Variants in MYOCOS observed in about 807,000 individuals in gnomAD.
The protein encoded by MYOCOS is myocilin opposite strand, also known as myocilin opposite strand protein.
At chr1:171,607,745 C>T (rs1180416075) in intron 1 of MYOCOS, among the ~76,000 whole-genome samples, 1 of 152,170 alleles carries the variant, frequency 6.6e-6, no homozygotes, top group East Asian at 1.9e-4. Flanking sequence ...TCCTCAACTC[C>T]AAATTGTAAT....
At chr1:171,603,692 CTA>C (rs749286234) in intron 1 of MYOCOS, among the ~76,000 whole-genome samples, 10 of 152,260 alleles carry the variant, frequency 6.6e-5, no homozygotes, top group South Asian at 2.1e-4. Flanking sequence ...TCTTTACACT[CTA>C]TGTGTCAAAA....
chr1:171,603,143 G>C (rs971411688), intron 1 of MYOCOS, among the ~76,000 whole-genome samples: 1 of 152,210 alleles, frequency 6.6e-6, no homozygotes, highest in Non-Finnish European at 1.5e-5. Flanking sequence ...AGGCCATCCA[G>C]CTTCCGTCTC....
chr1:171,615,986 G>C (rs1652441042), intron 2 of MYOCOS, among the ~76,000 whole-genome samples: 1 of 152,180 alleles, frequency 6.6e-6, no homozygotes. Flanking sequence ...GGGAGGCCGA[G>C]GCAGGTGGAT....
chr1:171,610,394 A>G (rs913479702), intron 1 of MYOCOS, among the ~76,000 whole-genome samples: 3 of 152,220 alleles, frequency 2.0e-5, no homozygotes, highest in Admixed American at 2.0e-4. Flanking sequence ...CATGCTTAGT[A>G]TCTGTCTTAG....
At chr1:171,606,955 G>T (rs1652255621) in intron 1 of MYOCOS, among the ~76,000 whole-genome samples, 1 of 152,006 alleles carries the variant, frequency 6.6e-6, no homozygotes, top group Non-Finnish European at 1.5e-5. Flanking sequence ...TAAGCTGGGT[G>T]TGGTGGCAGG....
rs1401330699 is a variant in MYOCOS at position 171,626,512 on chromosome 1, T to G, written c.154T>G (p.Leu52Val). 1 of 398,556 alleles carries G rather than the reference T, an allele frequency of 2.5e-6. No homozygotes were observed. Among genetic ancestry groups the G allele is most frequent in the African/African-American group, 2.1e-5 (1 of 48,632 alleles). 24.7% of individuals were successfully genotyped at this position (398,556 alleles called of 1,614,324 possible). A position where few individuals can be genotyped will look rare whatever the true frequency, so the allele number is the denominator to read the frequency against. ...EAKEMLSHLD[L>V]EQAPPPHRTY... Reference sequence around the variant, plus strand: ...TAAGGAGATGCTCTCCCACTTGGATTTGGAGCAAGCCCCTCCCCCTCACAG... The same window carrying G: ...TAAGGAGATGCTCTCCCACTTGGATGTGGAGCAAGCCCCTCCCCCTCACAG... The change falls in exon 3 of 3, where the codon TTG (leucine) becomes GTG (valine). Residue 52 changes from leucine to valine, a missense_variant. Coordinates refer to ENST00000637642, the MANE Select transcript of MYOCOS (RefSeq NM_001391940.1).
chr1:171,601,719 C>A (rs1438580141), intron 1 of MYOCOS, among the ~76,000 whole-genome samples: 1 of 151,934 alleles, frequency 6.6e-6, no homozygotes, highest in East Asian at 1.9e-4. Context: ...GCCAAGGCAC[C>A]CAGACCAATT....
chr1:171,605,754 C>T (rs1018718753), intron 1 of MYOCOS, among the ~76,000 whole-genome samples: 1 of 152,090 alleles, frequency 6.6e-6, no homozygotes, highest in Non-Finnish European at 1.5e-5. Context: ...ATAAGCCTGC[C>T]ACTTAGGCAC....
In MYOCOS at chr1:171,611,554, C is replaced by T. The variant is rs1239869139; in HGVS notation, c.-251-3244C>T. On this transcript the variant is annotated intron_variant, in intron 1 of 3. Transcript: ENST00000636697. ...CCTATTGGAGCTTGCCACAAAACAT[C>T]TTTGTGAGTCACCAATACCTCTTAC... 2.0e-5 allele frequency among the ~76,000 whole-genome samples: 3 copies of T among 152,222 alleles called. No homozygotes were observed. The East Asian group carries it at 5.8e-4, about 29-fold the overall frequency.
intron 1 of MYOCOS, among the ~76,000 whole-genome samples, chr1:171,609,474 C>G (rs1292451946): frequency 6.6e-6 from 1 of 152,172 alleles, no homozygotes; most frequent in Non-Finnish European, 1.5e-5. Flanking sequence ...AAATGGGAAC[C>G]TCTAAACATC....
At chr1:171,610,189 C>G (rs1008096597) in intron 1 of MYOCOS, among the ~76,000 whole-genome samples, 6 of 152,220 alleles carry the variant, frequency 3.9e-5, no homozygotes, top group Admixed American at 3.3e-4. Flanking sequence ...ACTCAAGGAG[C>G]AGAGATTACA....
exon 2 of MYOCOS, chr1:171,614,837 T>A (rs1178098632): frequency 6.6e-6 from 1 of 152,234 alleles, no homozygotes; most frequent in Non-Finnish European, 1.5e-5. Context: ...CAGACAACAC[T>A]GAGCAAAGAC....
chr1:171,617,984 G>A (rs1051125105), upstream of MYOCOS, among the ~76,000 whole-genome samples: 1 of 152,202 alleles, frequency 6.6e-6, no homozygotes, highest in Admixed American at 6.5e-5. Flanking sequence ...TAGGTGTGGT[G>A]AATGTGGAAT....
intron 2 of MYOCOS, among the ~76,000 whole-genome samples, chr1:171,615,709 G>A (rs555487771): frequency 1.1e-3 from 164 of 152,282 alleles, no homozygotes; most frequent in African/African-American, 3.6e-3. Flanking sequence ...GTCACGTACC[G>A]CCTGCTTGCT....
rs1013967482 is a variant in MYOCOS, at chr1:171,606,235, T to G, written c.-252+5155T>G. Among the ~76,000 whole-genome samples, 8 of 152,268 alleles carry G rather than the reference T, an allele frequency of 5.3e-5. No homozygotes were observed. The East Asian group carries it at 1.5e-3, about 29-fold the overall frequency. On this transcript the variant is annotated intron_variant, in intron 1 of 3. Transcript: ENST00000636697. ...TCGCTACCTTAGTTCACCAAAATGC[T>G]TCAGCACAAGTGTACTATATAAATC...
chr1:171,603,847 C>A (rs1652190163), intron 1 of MYOCOS, among the ~76,000 whole-genome samples: 1 of 152,244 alleles, frequency 6.6e-6, no homozygotes, highest in Non-Finnish European at 1.5e-5. Flanking sequence ...GCCCTGTTAG[C>A]ACAAGAAGCA....
upstream of MYOCOS, among the ~76,000 whole-genome samples, chr1:171,620,937 T>C (rs2102938628): frequency 6.6e-6 from 1 of 151,720 alleles, no homozygotes; most frequent in Non-Finnish European, 1.5e-5. Context: ...GCCGGGCTAA[T>C]TTTTGTATTT....
chr1:171,615,078 G>A (rs915010997), intron 2 of MYOCOS: 4 of 152,250 alleles, frequency 2.6e-5, no homozygotes, highest in African/African-American at 9.6e-5. Context: ...AGACCTTGAA[G>A]GCCATTGTAA....
At chr1:171,620,037 T>C (rs1375287246), upstream of MYOCOS, among the ~76,000 whole-genome samples, 5 of 149,026 alleles carry the variant, frequency 3.4e-5, no homozygotes, top group Admixed American at 1.3e-4. Flanking sequence ...CTTGTGATCA[T>C]GTGAGTTAAT....
Sources: allele counts gnomAD v4.1 joint callset (sites outside exome capture counted in the v4.1 genomes callset), GRCh38; gene constraint gnomAD v4.1.1; transcripts MANE v1.5; gene names NCBI Gene and HGNC (gene_info 2026-07-23, HGNC 2026-07-21).